Variants in TTC28 observed in about 807,000 individuals in gnomAD.
TTC28 encodes the protein tetratricopeptide repeat protein 28.
A neutral mutation model predicts 198.0 loss-of-function variants in TTC28; 61 were observed. That is an observed-to-expected ratio of 0.31 (90% CI 0.25 to 0.38). The LOEUF (loss-of-function observed/expected upper bound fraction) is 0.38, where lower values mean the gene tolerates loss of function less well. Ranked by LOEUF, TTC28 falls within the 10% of genes least tolerant of loss-of-function variation. TTC28 has a pLI of 1.00. For missense variants in TTC28, 2,678 were observed against 3,164.0 expected (o/e 0.85, Z 3.69); for synonymous variants, 1,171 against 1,297.8 (o/e 0.90, Z 2.10).
chr22:28,248,548 T>G (rs996687945), intron 5 of TTC28, among the ~76,000 whole-genome samples: 1 of 152,074 alleles, frequency 6.6e-6, no homozygotes, highest in African/African-American at 2.4e-5. Flanking sequence ...TTTTTTCCAG[T>G]TCAATAGTTA....
chr22:28,512,350 T>C (rs1001971551), intron 2 of TTC28, among the ~76,000 whole-genome samples: 2 of 152,134 alleles, frequency 1.3e-5, no homozygotes, highest in Non-Finnish European at 2.9e-5. Context: ...GTTCAACCAT[T>C]ATGGAAGACG....
intron 2 of TTC28, among the ~76,000 whole-genome samples, chr22:28,361,414 T>C (rs1199844313): frequency 6.6e-6 from 1 of 152,140 alleles, no homozygotes; most frequent in Non-Finnish European, 1.5e-5. Context: ...AGCCACAACA[T>C]TCCCTTAAGC....
intron 2 of TTC28, among the ~76,000 whole-genome samples, chr22:28,320,323 G>A (rs1285066981): frequency 6.6e-6 from 1 of 151,856 alleles, no homozygotes; most frequent in African/African-American, 2.4e-5. Flanking sequence ...TAGAATGAAG[G>A]CACAAGATAT....
chr22:28,189,887 A>G (rs550073114), intron 5 of TTC28, among the ~76,000 whole-genome samples: 7 of 152,358 alleles, frequency 4.6e-5, no homozygotes, highest in South Asian at 2.1e-4. Context: ...GAGTGCCATC[A>G]TAATTAGTCA....
At chr22:28,570,602 G>A (rs1388571629) in intron 2 of TTC28, among the ~76,000 whole-genome samples, 2 of 152,112 alleles carry the variant, frequency 1.3e-5, no homozygotes, top group African/African-American at 2.4e-5. Flanking sequence ...TGGGTGCTAT[G>A]TTTATTACCT....
At chr22:28,225,993 T>C (rs969239296) in intron 5 of TTC28, among the ~76,000 whole-genome samples, 2 of 152,244 alleles carry the variant, frequency 1.3e-5, no homozygotes, top group Non-Finnish European at 2.9e-5. Flanking sequence ...TAGTGAGAAG[T>C]ATTCTGTTGT....
rs1418390404 is a variant in TTC28 at position 28,670,856 on chromosome 22, C to T, written c.102+8766G>A. Among the ~76,000 whole-genome samples, 3 of 152,152 alleles carry T rather than the reference C, an allele frequency of 2.0e-5. No individual in the cohort carries two copies. The South Asian group carries it at 6.2e-4, about 32-fold the overall frequency. ...GAGCTCCAATTTCTCCACATCCTCACCAGTACTTGTTATTGTCTATCTTTT... is the reference window on the plus strand; with the variant it reads ...GAGCTCCAATTTCTCCACATCCTCATCAGTACTTGTTATTGTCTATCTTTT... On this transcript the variant is annotated intron_variant, in intron 1 of 22. Coordinates refer to ENST00000397906, the MANE Select transcript of TTC28 (RefSeq NM_001145418.2).
chr22:28,428,649 T>TATTTTA (rs1486458949), intron 2 of TTC28, among the ~76,000 whole-genome samples: 2 of 150,504 alleles, frequency 1.3e-5, no homozygotes, highest in Non-Finnish European at 2.9e-5. Context: ...TATTTTATTT[T>TATTTTA]ATTTTTTGAG....
chr22:28,346,981 G>T (rs1171190136), intron 2 of TTC28, among the ~76,000 whole-genome samples: 1 of 152,156 alleles, frequency 6.6e-6, no homozygotes, highest in Non-Finnish European at 1.5e-5. Flanking sequence ...GAAAGACTAT[G>T]GCCGGGTGCG....
rs549181432 is a variant in TTC28, at chr22:28,679,531, A to T, written c.102+91T>A. 1.4e-4 allele frequency: 118 copies of T among 833,792 alleles called. No homozygotes were observed. In the Middle Eastern group the frequency reaches 3.1e-3, roughly 22 times the overall value. 51.6% of individuals were successfully genotyped at this position (833,792 alleles called of 1,614,324 possible). A position where few individuals can be genotyped will look rare whatever the true frequency, so the allele number is the denominator to read the frequency against. On this transcript the variant is annotated intron_variant, in intron 1 of 22. Transcript: ENST00000397906. ...GACTGCGAGACGCCTTCCGCCTCGC[A>T]GGCGCTCCTCTGCCGCTGAGGCCCG...
chr22:28,611,927 C>T (rs915154556), intron 2 of TTC28, among the ~76,000 whole-genome samples: 2 of 152,176 alleles, frequency 1.3e-5, no homozygotes, highest in South Asian at 2.1e-4. Context: ...CATCAACTAA[C>T]GGGCAAAATA....
At chr22:28,321,669 C>T (rs1239887627) in intron 2 of TTC28, among the ~76,000 whole-genome samples, 1 of 152,094 alleles carries the variant, frequency 6.6e-6, no homozygotes, top group East Asian at 1.9e-4. Flanking sequence ...AGCACAGTGT[C>T]TAGTACAGAG....
intron 2 of TTC28, among the ~76,000 whole-genome samples, chr22:28,400,874 GA>G (rs2146101000): frequency 6.6e-6 from 1 of 152,156 alleles, no homozygotes; most frequent in Non-Finnish European, 1.5e-5. Context: ...GTACACATAA[GA>G]AATCCAACAA....
intron 5 of TTC28, among the ~76,000 whole-genome samples, chr22:28,195,890 TCCATTAAGCTA>T (rs1289461438): frequency 1.3e-5 from 2 of 151,830 alleles, no homozygotes; most frequent in Non-Finnish European, 2.9e-5. Context: ...CAGTGCCATC[TCCATTAAGCTA>T]CCAATGACTT....
chr22:28,616,604 C>G (rs886863509), intron 2 of TTC28, among the ~76,000 whole-genome samples: 1 of 152,176 alleles, frequency 6.6e-6, no homozygotes, highest in Non-Finnish European at 1.5e-5. Context: ...GTAATCCAAG[C>G]ACTTTGGGAG....
intron 5 of TTC28, among the ~76,000 whole-genome samples, chr22:28,278,293 A>C (rs571599792): frequency 7.2e-5 from 11 of 152,338 alleles, no homozygotes; most frequent in African/African-American, 2.6e-4. Context: ...AAAATGAGAA[A>C]TCTATTTGTC....
At chr22:28,204,592 A>G (rs1601471391) in intron 5 of TTC28, among the ~76,000 whole-genome samples, 1 of 151,938 alleles carries the variant, frequency 6.6e-6, no homozygotes, top group African/African-American at 2.4e-5. Flanking sequence ...GACTCTCATC[A>G]CTCCGTGAAA....
At chr22:28,612,592 T>C (rs1249067621) in intron 2 of TTC28, among the ~76,000 whole-genome samples, 3 of 152,044 alleles carry the variant, frequency 2.0e-5, no homozygotes, top group Non-Finnish European at 2.9e-5. Context: ...AGTAAAACAC[T>C]CCTCAGCAAA....
chr22:27,992,700 G>A lies in TTC28; in HGVS notation c.5477-37C>T, dbSNP rs1394536444. 3 of 1,544,074 alleles carry A rather than the reference G, an allele frequency of 1.9e-6. No homozygotes were observed. The African/African-American group carries it at 4.1e-5, about 21-fold the overall frequency. ...AAAAAGGGTAGAAGTTATTCAGAAG[G>A]GCCTCTGCACCCAAAAGCCTGCCAC... On this transcript the variant is annotated intron_variant, in intron 18 of 22. Transcript: ENST00000397906.
Sources: gnomAD v4.1 joint callset for allele counts (sites outside exome capture counted in the v4.1 genomes callset) on GRCh38, gnomAD v4.1.1 for gene constraint, MANE v1.5 for transcripts, NCBI Gene and HGNC (gene_info 2026-07-23, HGNC 2026-07-21) for gene names.